Variants in CTNNA2 observed in about 807,000 individuals in gnomAD.
CTNNA2 encodes catenin alpha 2, also known as catenin alpha-2.
CTNNA2 carries 42 observed loss-of-function variants against 101.0 expected under a neutral mutation model. That is an observed-to-expected ratio of 0.42 (90% CI 0.32 to 0.54). The LOEUF (loss-of-function observed/expected upper bound fraction) is 0.54. CTNNA2 is among the 20% of genes least tolerant of loss of function. The pLI, the probability that CTNNA2 is intolerant of heterozygous loss-of-function variation, is 0.14. For missense variants in CTNNA2, 871 were observed against 1,223.1 expected (o/e 0.71, Z 4.29); for synonymous variants, 450 against 456.4 (o/e 0.99, Z 0.18).
At chr2:79,232,915 T>A (rs1674514387) in intron 2 of CTNNA2, among the ~76,000 whole-genome samples, 1 of 152,192 alleles carries the variant, frequency 6.6e-6, no homozygotes, top group Non-Finnish European at 1.5e-5. Flanking sequence ...TTGCACTTAT[T>A]TGGATCTTTT....
chr2:79,758,297 G>T (rs905342340), intron 3 of CTNNA2, among the ~76,000 whole-genome samples: 15 of 152,288 alleles, frequency 9.8e-5, no homozygotes, highest in Admixed American at 6.5e-4. Flanking sequence ...TGAAGACGAA[G>T]CTGATTCACT....
At chr2:79,454,931 T>C (rs575214639) in intron 4 of CTNNA2, among the ~76,000 whole-genome samples, 1 of 152,318 alleles carries the variant, frequency 6.6e-6, no homozygotes, top group African/African-American at 2.4e-5. Context: ...ATATAAATCT[T>C]AACTACAAGA....
chr2:79,692,435 G>A (rs1684365396), intron 2 of CTNNA2, among the ~76,000 whole-genome samples: 1 of 152,136 alleles, frequency 6.6e-6, no homozygotes, highest in Non-Finnish European at 1.5e-5. Context: ...GTATAAATTA[G>A]TTTAACTATT....
At chr2:79,547,163 T>A (rs2104023922) in intron 1 of CTNNA2, 1 of 152,304 alleles carries the variant, frequency 6.6e-6, no homozygotes. Flanking sequence ...CTCACCAGAA[T>A]GACTCTTTGA....
chr2:80,641,823 A>T (rs1673525646), intron 18 of CTNNA2, among the ~76,000 whole-genome samples: 1 of 152,148 alleles, frequency 6.6e-6, no homozygotes, highest in Non-Finnish European at 1.5e-5. Context: ...TAAAGGTCTT[A>T]TTCTGAGAAA....
intron 12 of CTNNA2, among the ~76,000 whole-genome samples, chr2:80,572,404 T>A (rs1694678482): frequency 6.6e-6 from 1 of 152,172 alleles, no homozygotes; most frequent in African/African-American, 2.4e-5. Context: ...TCTTTATCAG[T>A]TATATCCATA....
intron 7 of CTNNA2, among the ~76,000 whole-genome samples, chr2:80,301,280 A>G: frequency 6.6e-6 from 1 of 152,196 alleles, no homozygotes; most frequent in Non-Finnish European, 1.5e-5. Flanking sequence ...TTTCAGCCCT[A>G]AACATCGGGA....
At chr2:80,385,346 G>A (rs997125370) in intron 7 of CTNNA2, among the ~76,000 whole-genome samples, 3 of 152,002 alleles carry the variant, frequency 2.0e-5, no homozygotes. Flanking sequence ...AGAGACCCCA[G>A]AGGACTCCCT....
intron 3 of CTNNA2, among the ~76,000 whole-genome samples, chr2:79,354,260 C>T (rs1384787910): frequency 6.6e-6 from 1 of 152,132 alleles, no homozygotes; most frequent in Non-Finnish European, 1.5e-5. Flanking sequence ...ACTATGTCCT[C>T]AAATATGTTT....
intron 7 of CTNNA2, among the ~76,000 whole-genome samples, chr2:80,392,074 G>A (rs533644679): frequency 1.3e-5 from 2 of 152,184 alleles, no homozygotes; most frequent in African/African-American, 4.8e-5. Flanking sequence ...TGGAGAGCGG[G>A]TATGTATGTA....
At chr2:80,318,692 A>G (rs1389432738) in intron 7 of CTNNA2, among the ~76,000 whole-genome samples, 4 of 152,210 alleles carry the variant, frequency 2.6e-5, no homozygotes, top group Admixed American at 1.3e-4. Context: ...GAAATGTAAC[A>G]TTGTCCCTGG....
chr2:79,810,331 C>T (rs114698122), intron 3 of CTNNA2, among the ~76,000 whole-genome samples: 2,874 of 152,064 alleles, frequency 0.019, 75 homozygotes, highest in African/African-American at 0.065. Context: ...AAGAGAAACG[C>T]CCATAAAACC....
chr2:80,533,653 C>T (rs1238091465), intron 9 of CTNNA2, among the ~76,000 whole-genome samples: 1 of 152,150 alleles, frequency 6.6e-6, no homozygotes, highest in Middle Eastern at 3.2e-3. Flanking sequence ...AGTTTTCATC[C>T]TGCTAATATG....
At chr2:80,102,431 C>T (rs1255953083) in intron 7 of CTNNA2, among the ~76,000 whole-genome samples, 2 of 152,198 alleles carry the variant, frequency 1.3e-5, no homozygotes, top group Admixed American at 1.3e-4. Context: ...TTCCCTCGTT[C>T]TTTGATTCCT....
chr2:79,850,531 A>G (rs949702531), intron 3 of CTNNA2, among the ~76,000 whole-genome samples: 2 of 152,026 alleles, frequency 1.3e-5, no homozygotes, highest in African/African-American at 4.8e-5. Context: ...CTCCTAATAC[A>G]GGTGCAGACA....
chr2:79,817,192 C>A (rs72824573), intron 3 of CTNNA2, among the ~76,000 whole-genome samples: 15,190 of 151,946 alleles, frequency 0.1, 1,064 homozygotes, highest in African/African-American at 0.19. Flanking sequence ...CCCCCTACCA[C>A]AACCTCACAA....
At chr2:80,057,172 G>C (rs1572961565) in intron 7 of CTNNA2, among the ~76,000 whole-genome samples, 1 of 138,306 alleles carries the variant, frequency 7.2e-6, no homozygotes, top group Non-Finnish European at 1.5e-5. Context: ...AAGTATATAA[G>C]TTGTTTTTTT....
intron 1 of CTNNA2, among the ~76,000 whole-genome samples, chr2:79,618,951 A>G (rs1190287591): frequency 6.6e-6 from 1 of 152,204 alleles, no homozygotes; most frequent in Non-Finnish European, 1.5e-5. Context: ...CACGCCTGTA[A>G]TCCCAGCACT....
At chr2:79,949,704 G>A (rs1285867393) in intron 7 of CTNNA2, among the ~76,000 whole-genome samples, 1 of 152,120 alleles carries the variant, frequency 6.6e-6, no homozygotes, top group Non-Finnish European at 1.5e-5. Context: ...CTTGGGCCCA[G>A]TAGTTCGAGG....
Sources: allele counts gnomAD v4.1 joint callset (sites outside exome capture counted in the v4.1 genomes callset), GRCh38; gene constraint gnomAD v4.1.1; transcripts MANE v1.5; gene names NCBI Gene and HGNC (gene_info 2026-07-23, HGNC 2026-07-21).